Variants in ARHGEF10 observed in about 807,000 individuals in gnomAD.
The protein encoded by ARHGEF10 is Rho guanine nucleotide exchange factor 10, also known as Rho guanine nucleotide exchange factor (GEF) 10.
A neutral mutation model predicts 147.4 loss-of-function variants in ARHGEF10; 140 were observed. The ratio of observed to expected loss-of-function variants is 0.95; its 90% CI spans 0.83 to 1.09. ARHGEF10 has a LOEUF of 1.09. ARHGEF10 is among the 50% of genes least tolerant of loss of function. The pLI, the probability that ARHGEF10 is intolerant of heterozygous loss-of-function variation, is 0.00. For synonymous variants in ARHGEF10, 902 were observed against 695.8 expected, an observed-to-expected ratio of 1.30 and a Z score of -4.67; for missense variants, 2,222 against 1,752.7, an observed-to-expected ratio of 1.27 and a Z score of -4.78.
chr8:1,825,340 C>G (rs191065821), intron 1 of ARHGEF10, among the ~76,000 whole-genome samples: 14 of 35,802 alleles, frequency 3.9e-4, no homozygotes, highest in African/African-American at 1.7e-3. Flanking sequence ...TGTCCTCGCA[C>G]CCCACCTCTC....
Position 1,876,679 on chromosome 8 carries a change from C to T in ARHGEF10, c.788C>T (p.Ser263Leu), listed in dbSNP as rs775934719. The stretch of plus-strand genomic sequence containing the variant: ...GAAAGTTACGAAGAGCAGAGTGACT[C>T]GGAGTGCAAGAATGGGATTCCCAGG... The part of the protein sequence containing the change: ...EFESYEEQSD[S>L]ECKNGIPRSF... The change falls in exon 8 of 29, where the codon TCG becomes TTG. Residue 263 changes from serine to leucine, a missense_variant. Transcript: ENST00000349830. 16 of 1,614,088 alleles carry T rather than the reference C, an allele frequency of 9.9e-6. No homozygotes were observed. Among genetic ancestry groups the T allele is most frequent in the Middle Eastern group, 3.3e-4 (2 of 6,084 alleles).
At chr8:1,849,697 C>T (rs1804874410) in intron 2 of ARHGEF10, among the ~76,000 whole-genome samples, 1 of 137,200 alleles carries the variant, frequency 7.3e-6, no homozygotes, top group Admixed American at 7.8e-5. Flanking sequence ...ATGGCAAATG[C>T]TGAGGAGGGC....
chr8:1,888,128 G>T (rs1241183788), intron 11 of ARHGEF10, among the ~76,000 whole-genome samples: 2 of 78,282 alleles, frequency 2.6e-5, no homozygotes, highest in African/African-American at 2.2e-4. Context: ...GTGGGGTGAG[G>T]GTTTGCGAGG....
At chr8:1,949,474 A>G (rs1462523422) in intron 27 of ARHGEF10, among the ~76,000 whole-genome samples, 1 of 152,178 alleles carries the variant, frequency 6.6e-6, no homozygotes, top group East Asian at 1.9e-4. Flanking sequence ...CTCAGCTTTT[A>G]GGTTGTGAGC....
At chr8:1,951,518 G>A (rs1303994394) in intron 27 of ARHGEF10, among the ~76,000 whole-genome samples, 2 of 152,170 alleles carry the variant, frequency 1.3e-5, no homozygotes, top group Non-Finnish European at 2.9e-5. Context: ...TTTGTTTTGG[G>A]GGAGGCTGTT....
intron 11 of ARHGEF10, among the ~76,000 whole-genome samples, chr8:1,892,440 A>G (rs2129152980): frequency 6.6e-6 from 1 of 152,168 alleles, no homozygotes; most frequent in Middle Eastern, 3.4e-3. Flanking sequence ...GAATAGAATA[A>G]TCCTTTCTCT....
chr8:1,906,566 T>A (rs764740205), intron 17 of ARHGEF10, among the ~76,000 whole-genome samples: 4 of 152,210 alleles, frequency 2.6e-5, no homozygotes, highest in Non-Finnish European at 5.9e-5. Flanking sequence ...TATATCTGCC[T>A]GCCCTCCTCA....
chr8:1,907,094 G>T (rs1158039676), intron 17 of ARHGEF10, among the ~76,000 whole-genome samples: 1 of 152,214 alleles, frequency 6.6e-6, no homozygotes, highest in Non-Finnish European at 1.5e-5. Flanking sequence ...GCCGTGGGAG[G>T]TCGCAGCTGG....
intron 27 of ARHGEF10, among the ~76,000 whole-genome samples, chr8:1,950,730 G>GTTTTTTTTTTTT (rs71211528): frequency 4.6e-5 from 5 of 108,458 alleles, no homozygotes; most frequent in Non-Finnish European, 7.1e-5. Context: ...TGTTTTTTAG[G>GTTTTTTTTTTTT]TTTTTTTTTT....
At chr8:1,832,857 CAGAGGCAG>C (rs1803273194) in intron 1 of ARHGEF10, among the ~76,000 whole-genome samples, 1 of 97,500 alleles carries the variant, frequency 1.0e-5, no homozygotes, top group East Asian at 3.3e-4. Flanking sequence ...CAGAGAGAGA[CAGAGGCAG>C]AGGCAGAGAC....
At chr8:1,892,922 A>T (rs143402036) in intron 11 of ARHGEF10, among the ~76,000 whole-genome samples, 1 of 152,064 alleles carries the variant, frequency 6.6e-6, no homozygotes, top group African/African-American at 2.4e-5. Flanking sequence ...CCACAAGTCT[A>T]TTGTATGTGC....
At chr8:1,843,254 C>T (rs1020547262) in intron 1 of ARHGEF10, 99 bp from the exon 2 acceptor site, 5 of 828,488 alleles carry the variant, frequency 6.0e-6, no homozygotes, top group Non-Finnish European at 9.9e-6. Context: ...TGACAGTTAG[C>T]TCTTCCTTTT....
Position 1,957,027 on chromosome 8 carries a change from C to A in ARHGEF10, c.3799C>A (p.His1267Asn). 3 of 1,614,008 alleles carry A rather than the reference C, an allele frequency of 1.9e-6. No homozygotes were observed. Among genetic ancestry groups the A allele is most frequent in the Non-Finnish European group, 2.5e-6 (3 of 1,180,034 alleles). The change falls in exon 29 of 29, where the codon CAC becomes AAC. Residue 1267 changes from histidine (H) to asparagine (N), a missense_variant. Physicochemically the swap from His to Asn is moderately conservative, Grantham distance 68. Transcript: ENST00000349830. ...CTCATCTGGGTCCCTGAGCTTGTCT[C>A]ACGGCTCCAGCTCTCTAGAGCACAG... ...SSSSGSLSLS[H>N]GSSSLEHRSE... is the part of the protein sequence containing the mutation.
chr8:1,894,625 T>A, intron 13 of ARHGEF10, 53 bp downstream of exon 13: 2 of 1,587,232 alleles, frequency 1.3e-6, no homozygotes, highest in Non-Finnish European at 1.7e-6. Flanking sequence ...GCACCTGTCC[T>A]CTCTTCCCTT....
In ARHGEF10 at chr8:1,843,363, C is replaced by T. The variant is rs757130604; in HGVS notation, c.-37C>T. 4.0e-5 allele frequency: 65 copies of T among 1,612,320 alleles called. No homozygotes were observed. The Admixed American group carries it at 1.0e-3, about 25-fold the overall frequency. On this transcript the variant is annotated 5_prime_UTR_variant, in exon 2 of 29. Transcript: ENST00000349830. ...CTCTCCTTCTTGCAGGAGCTCCTTC[C>T]CTTAACAGAGCTGAGAGAGGCATCT...
chr8:1,940,997 A>G (rs1814045106), intron 26 of ARHGEF10, among the ~76,000 whole-genome samples: 5 of 152,234 alleles, frequency 3.3e-5, no homozygotes, highest in Admixed American at 3.3e-4. Flanking sequence ...ACATCTATAA[A>G]ACACTCACAG....
intron 7 of ARHGEF10, among the ~76,000 whole-genome samples, chr8:1,874,765 G>C (rs539629098): frequency 0.01 from 1,445 of 140,188 alleles, 3 homozygotes; most frequent in African/African-American, 0.039. Flanking sequence ...AGGAACAGTG[G>C]AGACACACAC....
intron 26 of ARHGEF10, among the ~76,000 whole-genome samples, chr8:1,938,578 C>T (rs933943283): frequency 1.3e-5 from 2 of 152,132 alleles, no homozygotes; most frequent in African/African-American, 4.8e-5. Context: ...TTTGCTGCAG[C>T]AATGCGTTTT....
At chr8:1,841,657 A>C (rs1247563291) in intron 1 of ARHGEF10, among the ~76,000 whole-genome samples, 2 of 151,840 alleles carry the variant, frequency 1.3e-5, no homozygotes, top group African/African-American at 4.8e-5. Context: ...GATGATGTGA[A>C]AGGGCTCCCA....
Sources: gnomAD v4.1 joint callset for allele counts (sites outside exome capture counted in the v4.1 genomes callset) on GRCh38, gnomAD v4.1.1 for gene constraint, MANE v1.5 for transcripts, NCBI Gene and HGNC (gene_info 2026-07-23, HGNC 2026-07-21) for gene names.